TNFSF4: variants seen among roughly 807,000 people sequenced by gnomAD.
TNFSF4 encodes the protein tumor necrosis factor ligand superfamily member 4.
A neutral mutation model predicts 7.3 loss-of-function variants in TNFSF4; 4 were observed. That is an observed-to-expected ratio of 0.55 (90% CI 0.27 to 1.25). The LOEUF is 1.25. Ranked by LOEUF, TNFSF4 falls within the 50% of genes most tolerant of loss-of-function variation. TNFSF4 has a pLI of 0.12. For missense variants in TNFSF4, 181 were observed against 208.8 expected (o/e 0.87, Z 0.82); for synonymous variants, 76 against 83.7 (o/e 0.91, Z 0.50).
At chr1:173,395,377 AATATATAT>A in the TNFSF4 span, among the ~76,000 whole-genome samples, 545 of 63,224 alleles carry the variant, frequency 8.6e-3, 9 homozygotes, top group South Asian at 0.038. Context: ...CTGTGTATAT[AATATATAT>A]ATATATATAT....
the TNFSF4 span, among the ~76,000 whole-genome samples, chr1:173,395,045 A>AGAT: frequency 4.6e-4 from 50 of 109,420 alleles, no homozygotes; most frequent in Non-Finnish European, 8.4e-4. Flanking sequence ...GATGATAGAT[A>AGAT]GATAGATAGA....
At chr1:173,350,515 CT>C in the TNFSF4 span, among the ~76,000 whole-genome samples, 1 of 152,162 alleles carries the variant, frequency 6.6e-6, no homozygotes, top group Non-Finnish European at 1.5e-5. Context: ...TAAGAAGCTA[CT>C]GTATTAGATG....
At chr1:173,275,131 C>T in the TNFSF4 span, among the ~76,000 whole-genome samples, 1 of 152,050 alleles carries the variant, frequency 6.6e-6, no homozygotes. Flanking sequence ...TTACTCATGG[C>T]AGAGCATGCA....
At chr1:173,358,281 TG>T in the TNFSF4 span, among the ~76,000 whole-genome samples, 1 of 152,236 alleles carries the variant, frequency 6.6e-6, no homozygotes, top group Non-Finnish European at 1.5e-5. Context: ...ACAGGCTCCC[TG>T]CTTTCTTATT....
In TNFSF4 at chr1:173,207,051, G is replaced by A. The variant is rs1426950628; in HGVS notation, c.126C>T (p.Tyr42=). The A allele has an allele frequency of 6.2e-7, 1 of 1,613,298 alleles. No homozygotes were observed. The highest frequency in any genetic ancestry group is 1.1e-5 in the South Asian group (1 of 90,994). ...QGLGLLLCFT[Y]ICLHFSALQV... The stretch of plus-strand genomic sequence containing the variant: ...GAAGAGCAGAGAAGTGCAGGCAGAT[G>A]TAGGTGAAGCACAGGAGCAGCCCCA... Residue 42 remains tyrosine, a synonymous_variant, in exon 1 of 3, where the codon TAC becomes TAT. Transcript: ENST00000281834.
intron 1 of TNFSF4, among the ~76,000 whole-genome samples, chr1:173,204,562 T>C (rs1169822847): frequency 6.6e-6 from 1 of 152,096 alleles, no homozygotes; most frequent in African/African-American, 2.4e-5. Flanking sequence ...AAATTAAATC[T>C]AAGAAATAAA....
the TNFSF4 span, among the ~76,000 whole-genome samples, chr1:173,284,558 GA>G: frequency 2.0e-5 from 3 of 152,188 alleles, no homozygotes; most frequent in African/African-American, 7.2e-5. Context: ...CCAGAGAGGA[GA>G]AGTCAGTGTC....
chr1:173,279,475 C>G, the TNFSF4 span, among the ~76,000 whole-genome samples: 1 of 152,082 alleles, frequency 6.6e-6, no homozygotes, highest in African/African-American at 2.4e-5. Context: ...ACCCAGATCT[C>G]TCTCCCAAAC....
chr1:173,206,190 G>A (rs962953058), intron 1 of TNFSF4, among the ~76,000 whole-genome samples: 1 of 151,900 alleles, frequency 6.6e-6, no homozygotes, highest in Non-Finnish European at 1.5e-5. Context: ...AAAGGAACAC[G>A]AAGAGAGTAT....
chr1:173,252,737 A>G, the TNFSF4 span, among the ~76,000 whole-genome samples: 1 of 152,206 alleles, frequency 6.6e-6, no homozygotes, highest in Non-Finnish European at 1.5e-5. Flanking sequence ...CATCAGGGGG[A>G]GCACTGATCA....
chr1:173,198,004 G>A (rs189497372), intron 1 of TNFSF4, among the ~76,000 whole-genome samples: 80 of 152,016 alleles, frequency 5.3e-4, no homozygotes, highest in Admixed American at 1.4e-3. Context: ...GTTGCATATT[G>A]TCATAATAAA....
the TNFSF4 span, among the ~76,000 whole-genome samples, chr1:173,254,572 C>A: frequency 6.6e-6 from 1 of 152,062 alleles, no homozygotes; most frequent in East Asian, 1.9e-4. Context: ...CTTGTTCTCA[C>A]CTGTTGGGAC....
the TNFSF4 span, among the ~76,000 whole-genome samples, chr1:173,422,326 G>GAA: frequency 0.66 from 58,266 of 88,760 alleles, 19,292 homozygotes; most frequent in South Asian, 0.75. Flanking sequence ...TGCCCAGAGT[G>GAA]AAAAAAAAAA....
the TNFSF4 span, among the ~76,000 whole-genome samples, chr1:173,315,766 G>A: frequency 6.6e-6 from 1 of 152,104 alleles, no homozygotes; most frequent in Middle Eastern, 3.2e-3. Context: ...CTGTTGAGTT[G>A]TTTGAATTCC....
the TNFSF4 span, among the ~76,000 whole-genome samples, chr1:173,240,566 A>G: frequency 2.0e-5 from 3 of 152,114 alleles, no homozygotes; most frequent in African/African-American, 7.2e-5. Flanking sequence ...TGATCATACA[A>G]TCACACTTTA....
intron 1 of TNFSF4, among the ~76,000 whole-genome samples, chr1:173,206,580 A>C (rs2102003754): frequency 6.6e-6 from 1 of 152,352 alleles, no homozygotes; most frequent in Middle Eastern, 3.4e-3. Context: ...TTCTTTACAA[A>C]GAAAATCACC....
the TNFSF4 span, among the ~76,000 whole-genome samples, chr1:173,330,577 G>A: frequency 6.6e-6 from 1 of 152,108 alleles, no homozygotes. Flanking sequence ...CTGTGCTTCA[G>A]CACTCTGCCT....
the TNFSF4 span, among the ~76,000 whole-genome samples, chr1:173,409,183 T>G: frequency 6.6e-6 from 1 of 152,178 alleles, no homozygotes; most frequent in Non-Finnish European, 1.5e-5. Flanking sequence ...TTCCACAGAA[T>G]AACTGTAATC....
rs917177355 is a variant in TNFSF4, at chr1:173,185,957, A to G, written c.*559T>C. The G allele has an allele frequency of 6.6e-6, 1 of 152,070 alleles. No homozygotes were observed. The highest frequency in any genetic ancestry group is 1.5e-5 in the Non-Finnish European group (1 of 68,084). The allele number at this position is 152,070 out of a possible 1,614,324, so 9.4% of individuals were successfully genotyped here. On this transcript the variant is annotated 3_prime_UTR_variant, in exon 3 of 3. Coordinates refer to ENST00000281834, the MANE Select transcript of TNFSF4 (RefSeq NM_003326.5). The stretch of plus-strand genomic sequence containing the variant: ...TTTCACAAGCTGATTCTTCTTTTGA[A>G]CCCCCACCAAATGAGAAAGTTTAAA...
Sources: allele counts gnomAD v4.1 joint callset (sites outside exome capture counted in the v4.1 genomes callset), GRCh38; gene constraint gnomAD v4.1.1; transcripts MANE v1.5; gene names NCBI Gene and HGNC (gene_info 2026-07-23, HGNC 2026-07-21).